HDGFL3: variants seen among roughly 807,000 people sequenced by gnomAD.
HDGFL3 encodes HDGF like 3, also known as hepatoma-derived growth factor-related protein 3.
HDGFL3 carries 6 observed loss-of-function variants against 27.6 expected under a neutral mutation model. The observed-to-expected ratio is 0.22, with a 90% CI of 0.12 to 0.43. The LOEUF (loss-of-function observed/expected upper bound fraction) is 0.43, where lower values mean the gene tolerates loss of function less well. Among genes scored for constraint, HDGFL3 ranks in the 20% least tolerant of loss-of-function variants. HDGFL3 has a pLI of 1.00. For missense variants in HDGFL3, 207 were observed against 250.1 expected (o/e 0.83, Z 1.16); for synonymous variants, 88 against 88.9 (o/e 0.99, Z 0.05).
At chr15:83,187,998 G>C (rs991891051) in intron 1 of HDGFL3, among the ~76,000 whole-genome samples, 2 of 151,886 alleles carry the variant, frequency 1.3e-5, no homozygotes, top group Non-Finnish European at 2.9e-5. Flanking sequence ...TCATAGATTA[G>C]AGGTATTTTC....
In HDGFL3 at chr15:83,207,266, C is replaced by T. The variant is rs2151425298; in HGVS notation, c.84+65G>A. 5 of 1,115,382 alleles carry T rather than the reference C, an allele frequency of 4.5e-6. No individual in the cohort carries two copies. The highest frequency in any genetic ancestry group is 3.2e-5 in the East Asian group (1 of 30,998). The allele number at this position is 1,115,382 out of a possible 1,614,324, so 69.1% of individuals were successfully genotyped here. Reference sequence around the variant, plus strand: ...GGGCTGAGGCGATGGGGAAAGGGGGCGGGCGCGCCATCATGAAGGGGAAAA... The same window carrying T: ...GGGCTGAGGCGATGGGGAAAGGGGGTGGGCGCGCCATCATGAAGGGGAAAA... On this transcript the variant is annotated intron_variant, in intron 1 of 5. Transcript: ENST00000299633. This position sits in a 1 kb window ranked among gnomAD's most constrained non-coding sequence, Gnocchi z 4.8.
rs2037737804 is a variant in HDGFL3 at position 83,207,474 on chromosome 15, C to T, written c.-60G>A. Reference sequence around the variant, plus strand: ...CCGCGAAGATGCCGGGAGGCCGCCCCCCCGCGGGCCGACGAATTGCGCCGC... The same window carrying T: ...CCGCGAAGATGCCGGGAGGCCGCCCTCCCGCGGGCCGACGAATTGCGCCGC... On this transcript the variant is annotated 5_prime_UTR_variant, in exon 1 of 6. Transcript: ENST00000299633. The surrounding 1 kb of genome is among the most constrained non-coding windows in gnomAD (Gnocchi z 4.8). 9.1e-6 allele frequency: 11 copies of T among 1,211,546 alleles called. No homozygotes were observed. The highest frequency in any genetic ancestry group is 3.5e-5 in the South Asian group (1 of 28,512). The allele number at this position is 1,211,546 out of a possible 1,614,324, so 75.0% of individuals were successfully genotyped here. A position where few individuals can be genotyped will look rare whatever the true frequency, so the allele number is the denominator to read the frequency against.
intron 5 of HDGFL3, among the ~76,000 whole-genome samples, chr15:83,147,629 G>C (rs74028245): frequency 6.6e-6 from 1 of 152,078 alleles, no homozygotes; most frequent in African/African-American, 2.4e-5. Flanking sequence ...ACAGAATAGA[G>C]AACCCAGAGA....
At chr15:83,127,377 A>G, downstream of HDGFL3, 1 of 1,613,866 alleles carries the variant, frequency 6.2e-7, no homozygotes, top group Non-Finnish European at 8.5e-7. Flanking sequence ...TATATGTTCT[A>G]TTCTGTTCCT....
At chr15:83,117,415 T>G (rs1352142940) in intron 3 of HDGFL3, among the ~76,000 whole-genome samples, 2 of 152,034 alleles carry the variant, frequency 1.3e-5, no homozygotes, top group Admixed American at 1.3e-4. Flanking sequence ...GAGAAGGGCT[T>G]GCCTATGAGA....
At chr15:83,112,973 CTCCTTGGTTGTGAATACTCTGAGCCCTT>C in exon 4 of HDGFL3, 1 of 1,270,752 alleles carries the variant, frequency 7.9e-7, no homozygotes, top group East Asian at 2.3e-5. Flanking sequence ...TCACATATTC[CTCCTTGGTTGTGAATACTCTGAGCCCTT>C]TGGTAACAGT....
In HDGFL3 at chr15:83,136,426, C is replaced by A; in HGVS notation, c.*2844G>T. 4.1e-6 allele frequency: 6 copies of A among 1,467,394 alleles called. No individual in the cohort carries two copies. The highest frequency in any genetic ancestry group is 5.5e-6 in the Non-Finnish European group (6 of 1,090,588). 90.9% of individuals were successfully genotyped at this position (1,467,394 alleles called of 1,614,324 possible). A position where few individuals can be genotyped will look rare whatever the true frequency, so the allele number is the denominator to read the frequency against. ...AATGAACCATTCAGAACTCATCATGCATCCAACTGAACACGTTTCATGCTT... is the reference window on the plus strand; with the variant it reads ...AATGAACCATTCAGAACTCATCATGAATCCAACTGAACACGTTTCATGCTT... On this transcript the variant is annotated 3_prime_UTR_variant, in exon 6 of 6. Transcript: ENST00000299633.
At chr15:83,170,344 C>A (rs576465783) in intron 1 of HDGFL3, among the ~76,000 whole-genome samples, 3 of 152,332 alleles carry the variant, frequency 2.0e-5, no homozygotes, top group Admixed American at 1.3e-4. Flanking sequence ...TTAACCAAAA[C>A]AGCATGGTAC....
Position 83,182,354 on chromosome 15 carries a change from G to A in HDGFL3, c.85-18279C>T, listed in dbSNP as rs1031214346. Reference sequence around the variant, plus strand: ...TTACTCAAAATAAATGAAAAGGTATGTCCACACAAAGATTTGTACAAGGTT... The same window carrying A: ...TTACTCAAAATAAATGAAAAGGTATATCCACACAAAGATTTGTACAAGGTT... On this transcript the variant is annotated intron_variant, in intron 1 of 5. Transcript: ENST00000299633. Among the ~76,000 whole-genome samples, 60 of 152,186 alleles carry A rather than the reference G, an allele frequency of 3.9e-4. 1 individual carries two copies. The highest frequency in any genetic ancestry group is 1.3e-3 in the African/African-American group (55 of 41,440).
At chr15:83,148,621 C>T (rs2036929082) in intron 5 of HDGFL3, among the ~76,000 whole-genome samples, 2 of 146,398 alleles carry the variant, frequency 1.4e-5, no homozygotes, top group South Asian at 2.1e-4. Flanking sequence ...GACTCCGTCT[C>T]GAAAAAAAAA....
chr15:83,126,774 C>T (rs760311621), downstream of HDGFL3: 2 of 1,613,370 alleles, frequency 1.2e-6, no homozygotes, highest in South Asian at 2.2e-5. Context: ...GATTGCCCAT[C>T]TGAGCTCTGC....
chr15:83,146,981 C>T (rs1034423046), intron 5 of HDGFL3, among the ~76,000 whole-genome samples: 4 of 152,130 alleles, frequency 2.6e-5, no homozygotes, highest in Non-Finnish European at 4.4e-5. Context: ...TACCTGTATC[C>T]GTGCCCAAAT....
In HDGFL3 at chr15:83,169,540, G is replaced by A. The variant is rs529734427; in HGVS notation, c.85-5465C>T. On this transcript the variant is annotated intron_variant, in intron 1 of 5. Transcript: ENST00000299633. ...CCCTAGGCCAGGCACGGTGGCTCAC[G>A]CCTGTAATCCCAGCACTTTGGGAGG... is the stretch of plus-strand genomic sequence containing the variant. 6.3e-4 allele frequency among the ~76,000 whole-genome samples: 95 copies of A among 149,984 alleles called. 1 individual carries two copies. The Middle Eastern group carries it at 0.014, about 21-fold the overall frequency.
At chr15:83,121,458 C>T (rs1268124630) in intron 3 of HDGFL3, among the ~76,000 whole-genome samples, 1 of 152,184 alleles carries the variant, frequency 6.6e-6, no homozygotes, top group Non-Finnish European at 1.5e-5. Flanking sequence ...GTACATGTCA[C>T]TTGTCTTCAC....
chr15:83,187,614 C>A (rs1034523761), intron 1 of HDGFL3, among the ~76,000 whole-genome samples: 8 of 152,174 alleles, frequency 5.3e-5, no homozygotes, highest in African/African-American at 1.9e-4. Context: ...AGTGGCCGGG[C>A]GTGGTGGCTC....
chr15:83,126,719 ATTGTATTTTTATAATGAGTT>A, downstream of HDGFL3: 1 of 1,541,422 alleles, frequency 6.5e-7, no homozygotes. Context: ...ACCAGATGTG[ATTGTATTTTTATAATGAGTT>A]TATTTTTGTC....
At chr15:83,205,677 G>A (rs770300099) in intron 1 of HDGFL3, among the ~76,000 whole-genome samples, 15 of 152,106 alleles carry the variant, frequency 9.9e-5, no homozygotes, top group African/African-American at 2.7e-4. Flanking sequence ...AACTAGTAAC[G>A]GTAACCTTTA....
intron 1 of HDGFL3, among the ~76,000 whole-genome samples, chr15:83,165,888 G>C (rs2037165895): frequency 6.7e-6 from 1 of 150,256 alleles, no homozygotes; most frequent in South Asian, 2.1e-4. Context: ...AACTAGTCCA[G>C]GCAGACAAAA....
intron 1 of HDGFL3, among the ~76,000 whole-genome samples, chr15:83,180,358 GAGA>G (rs2037365305): frequency 6.6e-6 from 1 of 152,106 alleles, no homozygotes; most frequent in African/African-American, 2.4e-5. Flanking sequence ...GCATGCCAAT[GAGA>G]AGAATTTTTT....
Sources: allele counts gnomAD v4.1 joint callset (sites outside exome capture counted in the v4.1 genomes callset), GRCh38; gene constraint gnomAD v4.1.1; non-coding constraint Gnocchi (gnomAD v3.1); transcripts MANE v1.5; gene names NCBI Gene and HGNC (gene_info 2026-07-23, HGNC 2026-07-21).